The following ZNF574 variants were observed in gnomAD, a reference collection of about 807,000 sequenced individuals.
ZNF574 encodes the protein zinc finger protein 574.
A neutral mutation model predicts 56.6 loss-of-function variants in ZNF574; 25 were observed. The observed-to-expected ratio is 0.44, with a 90% confidence interval of 0.32 to 0.62. The LOEUF is 0.62. ZNF574 is among the 20% of genes least tolerant of loss of function. The pLI, the probability that ZNF574 is intolerant of heterozygous loss-of-function variation, is 0.04. For synonymous variants in ZNF574, 543 were observed against 492.1 expected (o/e 1.10, Z -1.37); for missense variants, 1,065 against 1,218.9 (o/e 0.87, Z 1.88).
In ZNF574 at chr19:42,081,214, A is replaced by G. The variant is rs773312954; in HGVS notation, c.2608A>G (p.Thr870Ala). 1.2e-6 allele frequency: 2 copies of G among 1,613,868 alleles called. No homozygotes were observed. The highest frequency in any genetic ancestry group is 1.7e-6 in the Non-Finnish European group (2 of 1,179,996). Residue 870 changes from threonine to alanine, a missense_variant, in exon 2 of 2, where the codon ACT becomes GCT. By Grantham distance (58) the Thr-to-Ala change is moderately conservative. Transcript: ENST00000359044. ...EAAVGLAVME[T>A]AVEALPLVEA... ...TGCCGTTGGCCTGGCCGTCATGGAG[A>G]CTGCTGTGGAGGCGCTACCCCTGGT...
intron 1 of ZNF574, chr19:42,068,974 C>T: frequency 1.7e-6 from 1 of 579,778 alleles, no homozygotes; most frequent in South Asian, 2.0e-5. Context: ...AAGTGAGAGC[C>T]CAAGTAAGAG....
Position 42,080,992 on chromosome 19 carries a change from T to C in ZNF574, c.2386T>C (p.Cys796Arg). Residue 796 changes from cysteine (C) to arginine (R), a missense_variant, in exon 2 of 2, where the codon TGT becomes CGT. Coordinates refer to ENST00000359044, the MANE Select transcript of ZNF574 (RefSeq NM_022752.6). The surrounding 1 kb of genome is among the most constrained non-coding windows in gnomAD (Gnocchi z 8.5). ...RLHTGERPFA[C>R]EVCGKAFAIS... is the part of the protein sequence containing the mutation. ...GCACACAGGTGAGCGGCCCTTTGCCTGTGAAGTGTGTGGCAAGGCCTTTGC... is the reference window on the plus strand; with the variant it reads ...GCACACAGGTGAGCGGCCCTTTGCCCGTGAAGTGTGTGGCAAGGCCTTTGC... 1 of 1,614,220 alleles carries C rather than the reference T, an allele frequency of 6.2e-7. No individual in the cohort carries two copies. Among genetic ancestry groups the C allele is most frequent in the Non-Finnish European group, 8.5e-7 (1 of 1,180,046 alleles).
At chr19:42,077,931 G>GT (rs1450402084) in intron 1 of ZNF574, among the ~76,000 whole-genome samples, 9 of 152,226 alleles carry the variant, frequency 5.9e-5, no homozygotes, top group African/African-American at 2.2e-4. Flanking sequence ...TGACTGGGGG[G>GT]AAGGGATATA....
Position 42,078,859 on chromosome 19 carries a change from CTGA to C in ZNF574, c.256_258del (p.Met86del). On this transcript the variant is annotated inframe_deletion, in exon 2 of 2. Transcript: ENST00000359044. ...CCAGTGCCTGGAGTGTGGTCAACTGCTGATGTCACCCAGCCAGCTCCTGGAGCA... is the reference window on the plus strand; with the variant it reads ...CCAGTGCCTGGAGTGTGGTCAACTGCTGTCACCCAGCCAGCTCCTGGAGCA... 1.9e-6 allele frequency: 3 copies of C among 1,614,078 alleles called. No individual in the cohort carries two copies. The highest frequency in any genetic ancestry group is 2.5e-6 in the Non-Finnish European group (3 of 1,179,972).
chr19:42,073,506 G>C (rs1320971766), upstream of ZNF574, among the ~76,000 whole-genome samples: 1 of 148,590 alleles, frequency 6.7e-6, no homozygotes, highest in Non-Finnish European at 1.5e-5. Context: ...GGGCAACATA[G>C]TGAGACCCTA....
At position 42,080,249 on chromosome 19, in the gene ZNF574, A is replaced by T; in HGVS notation, c.1643A>T (p.Glu548Val). Residue 548 changes from glutamate to valine, a missense_variant, in exon 2 of 2, where the codon GAG (glutamate) becomes GTG (valine). Coordinates refer to ENST00000359044, the MANE Select transcript of ZNF574 (RefSeq NM_022752.6). The surrounding 1 kb of genome is among the most constrained non-coding windows in gnomAD (Gnocchi z 8.5). ...CGCCACCGGCTCACACACACAGGAG[A>T]GCGGCCCTACCGGTGTGGGGACTGT... ...LARHRLTHTG[E>V]RPYRCGDCGK... 6.2e-7 allele frequency: 1 copy of T among 1,614,036 alleles called. No individual in the cohort carries two copies. The highest frequency in any genetic ancestry group is 8.5e-7 in the Non-Finnish European group (1 of 1,180,002).
chr19:42,070,913 T>G (rs1404853529), intron 1 of ZNF574: 2 of 152,624 alleles, frequency 1.3e-5, no homozygotes, highest in East Asian at 3.9e-4. Flanking sequence ...AGGATGTGGC[T>G]CATAGACACA....
rs373910901 is a variant in ZNF574, at chr19:42,080,061, A to G, written c.1455A>G (p.Gln485=). 209 of 1,613,954 alleles carry G rather than the reference A, an allele frequency of 1.3e-4. No individual in the cohort carries two copies. Among genetic ancestry groups the G allele is most frequent in the Non-Finnish European group, 1.7e-4 (199 of 1,180,012 alleles). ...AGGCCTTGCAGCTGACCCGGCACCA[A>G]CGTTTTGTGCATCGGCTGGAGCGGC... ...FGKALQLTRH[Q]RFVHRLERRH... The change falls in exon 2 of 2, where the codon CAA becomes CAG. Residue 485 remains glutamine, a synonymous_variant. Transcript: ENST00000359044. The surrounding 1 kb of genome is among the most constrained non-coding windows in gnomAD (Gnocchi z 8.5).
intron 1 of ZNF574, among the ~76,000 whole-genome samples, chr19:42,069,816 C>T (rs1007588070): frequency 2.0e-5 from 3 of 151,958 alleles, no homozygotes; most frequent in Admixed American, 2.0e-4. Context: ...AGTCCTCAAG[C>T]CCTCAGCCCC....
At chr19:42,068,840 T>G (rs1314901446) in exon 1 of ZNF574, 1 of 664,708 alleles carries the variant, frequency 1.5e-6, no homozygotes, top group Non-Finnish European at 2.7e-6. Flanking sequence ...CTGGACGGGG[T>G]GGGGACAGGG....
Position 42,076,280 on chromosome 19 carries a change from G to A in ZNF574, c.-27G>A, listed in dbSNP as rs2076454648. 6.6e-6 allele frequency: 1 copy of A among 152,130 alleles called. No individual in the cohort carries two copies. The highest frequency in any genetic ancestry group is 2.1e-4 in the South Asian group (1 of 4,842). The allele number at this position is 152,130 out of a possible 1,614,324, so 9.4% of individuals were successfully genotyped here. On this transcript the variant is annotated 5_prime_UTR_variant, in exon 1 of 2. Coordinates refer to ENST00000359044, the MANE Select transcript of ZNF574 (RefSeq NM_022752.6). ...CGGGCCCGGGGCGTGCGAGACGGCGGAAGCAGGTGAGCGCGAGCGGGCGCG... is the reference window on the plus strand; with the variant it reads ...CGGGCCCGGGGCGTGCGAGACGGCGAAAGCAGGTGAGCGCGAGCGGGCGCG...
In ZNF574 at chr19:42,080,052, C is replaced by A. The variant is rs1173019168; in HGVS notation, c.1446C>A (p.Thr482=). The change falls in exon 2 of 2, where the codon ACC becomes ACA. Residue 482 remains threonine, a synonymous_variant. Coordinates refer to ENST00000359044, the MANE Select transcript of ZNF574 (RefSeq NM_022752.6). The surrounding 1 kb of genome is among the most constrained non-coding windows in gnomAD (Gnocchi z 8.5). ...SREFGKALQL[T]RHQRFVHRLE... Reference sequence around the variant, plus strand: ...AATTTGGAAAGGCCTTGCAGCTGACCCGGCACCAACGTTTTGTGCATCGGC... The same window carrying A: ...AATTTGGAAAGGCCTTGCAGCTGACACGGCACCAACGTTTTGTGCATCGGC... 1 of 1,614,126 alleles carries A rather than the reference C, an allele frequency of 6.2e-7. No individual in the cohort carries two copies. Among genetic ancestry groups the A allele is most frequent in the Non-Finnish European group, 8.5e-7 (1 of 1,180,032 alleles).
At position 42,078,794 on chromosome 19, in the gene ZNF574, G is replaced by C; in HGVS notation, c.188G>C (p.Gly63Ala). 6.2e-6 allele frequency: 10 copies of C among 1,614,052 alleles called. No homozygotes were observed. Among genetic ancestry groups the C allele is most frequent in the Non-Finnish European group, 8.5e-6 (10 of 1,179,964 alleles). ...ACTGTGGCCACAGACACAGCTTCAG[G>C]CACGGGCCTCTATCAGACCCTTGTG... Reference protein sequence around the residue: ...GVTVATDTASGTGLYQTLVQE... With the variant: ...GVTVATDTASATGLYQTLVQE... Residue 63 changes from glycine (G) to alanine (A), a missense_variant, in exon 2 of 2, where the codon GGC (glycine) becomes GCC (alanine). Coordinates refer to ENST00000359044, the MANE Select transcript of ZNF574 (RefSeq NM_022752.6).
upstream of ZNF574, among the ~76,000 whole-genome samples, chr19:42,075,740 G>C (rs1471880540): frequency 6.6e-6 from 1 of 151,972 alleles, no homozygotes; most frequent in African/African-American, 2.4e-5. Context: ...GGTGCCGCGT[G>C]CCTCAATTTC....
In ZNF574 at chr19:42,080,723, G is replaced by A. The variant is rs145636241; in HGVS notation, c.2117G>A (p.Arg706Gln). 1.1e-5 allele frequency: 18 copies of A among 1,613,396 alleles called. No individual in the cohort carries two copies. Among genetic ancestry groups the A allele is most frequent in the Middle Eastern group, 1.6e-4 (1 of 6,080 alleles). Reference protein sequence around the residue: ...EVLAKEPPAPRAPRATRAPVA... With the variant: ...EVLAKEPPAPQAPRATRAPVA... ...CTGGCTAAGGAGCCCCCTGCCCCTC[G>A]AGCCCCACGGGCCACTCGTGCACCA... Residue 706 changes from arginine to glutamine, a missense_variant, in exon 2 of 2, where the codon CGA becomes CAA. By Grantham distance (43) the Arg-to-Gln change is conservative. Coordinates refer to ENST00000359044, the MANE Select transcript of ZNF574 (RefSeq NM_022752.6). The surrounding 1 kb of genome is among the most constrained non-coding windows in gnomAD (Gnocchi z 8.5).
upstream of ZNF574, among the ~76,000 whole-genome samples, chr19:42,071,556 C>T (rs1229138502): frequency 1.3e-5 from 2 of 152,150 alleles, no homozygotes; most frequent in Non-Finnish European, 2.9e-5. Flanking sequence ...ATATCTGACG[C>T]TGAAGGACCA....
upstream of ZNF574, chr19:42,075,164 T>C (rs1375112167): frequency 6.6e-6 from 1 of 152,040 alleles, no homozygotes; most frequent in Non-Finnish European, 1.5e-5. Flanking sequence ...ATTGCAGGCG[T>C]GAGCCACCAC....
chr19:42,072,061 C>T (rs1004684234), upstream of ZNF574, among the ~76,000 whole-genome samples: 3 of 151,712 alleles, frequency 2.0e-5, no homozygotes, highest in Middle Eastern at 3.4e-3. Flanking sequence ...CAACCTGTCC[C>T]GGAAATCCCA....
In ZNF574 at chr19:42,079,769, C is replaced by T. The variant is rs754746224; in HGVS notation, c.1163C>T (p.Pro388Leu). Residue 388 changes from proline (P) to leucine (L), a missense_variant, in exon 2 of 2, where the codon CCG becomes CTG. Coordinates refer to ENST00000359044, the MANE Select transcript of ZNF574 (RefSeq NM_022752.6). This position sits in a 1 kb window ranked among gnomAD's most constrained non-coding sequence, Gnocchi z 4.3. ...LLLAHRRAHT[P>L]NPLHSCPCGK... ...CTGGCCCACCGGCGAGCCCACACCC[C>T]GAATCCTCTGCATTCATGTCCATGT... 31 of 1,614,148 alleles carry T rather than the reference C, an allele frequency of 1.9e-5. No homozygotes were observed. The East Asian group carries it at 6.7e-4, about 35-fold the overall frequency.
Sources: allele counts gnomAD v4.1 joint callset (sites outside exome capture counted in the v4.1 genomes callset), GRCh38; gene constraint gnomAD v4.1.1; non-coding constraint Gnocchi (gnomAD v3.1); transcripts MANE v1.5; gene names NCBI Gene and HGNC (gene_info 2026-07-23, HGNC 2026-07-21).